The following LMNB1 variants were observed in gnomAD, a reference collection of about 807,000 sequenced individuals.
LMNB1 encodes the protein lamin B1, also known as lamin-B1.
LMNB1 carries 23 observed loss-of-function variants against 67.1 expected under a neutral mutation model. The observed-to-expected ratio is 0.34, with a 90% CI of 0.25 to 0.49. The LOEUF (loss-of-function observed/expected upper bound fraction) is 0.49. Ranked by LOEUF, LMNB1 falls within the 20% of genes least tolerant of loss-of-function variation. The pLI is 0.99. For missense variants in LMNB1, 634 were observed against 746.5 expected, an observed-to-expected ratio of 0.85 and a Z score of 1.76; for synonymous variants, 281 against 282.9, an observed-to-expected ratio of 0.99 and a Z score of 0.07.
chr5:126,798,480 C>A (rs757431902), intron 1 of LMNB1, among the ~76,000 whole-genome samples: 1 of 152,084 alleles, frequency 6.6e-6, no homozygotes, highest in African/African-American at 2.4e-5. Context: ...AAAACTCCAA[C>A]TCATTGATTT....
intron 3 of LMNB1, among the ~76,000 whole-genome samples, chr5:126,808,456 T>A (rs944685059): frequency 6.6e-6 from 1 of 151,952 alleles, no homozygotes; most frequent in Non-Finnish European, 1.5e-5. Flanking sequence ...CCCAAAGTGC[T>A]GGGATTACAG....
chr5:126,829,516 A>G (rs1261990227), intron 9 of LMNB1, among the ~76,000 whole-genome samples: 1 of 151,830 alleles, frequency 6.6e-6, no homozygotes, highest in African/African-American at 2.4e-5. Flanking sequence ...CTAATGAAAT[A>G]AGACCTGTAT....
chr5:126,777,946 C>A, intron 1 of LMNB1, 79 bp downstream of exon 1: 2 of 1,322,922 alleles, frequency 1.5e-6, no homozygotes, highest in African/African-American at 1.6e-5. Context: ...CCGGGTTCTG[C>A]CGTGGGGAGG....
intron 1 of LMNB1, among the ~76,000 whole-genome samples, chr5:126,779,681 T>A (rs1253467887): frequency 2.6e-5 from 4 of 151,302 alleles, no homozygotes; most frequent in Non-Finnish European, 5.9e-5. Flanking sequence ...GCGGATCACT[T>A]GAGGTCAGGA....
Position 126,810,339 on chromosome 5 carries a change from T to C in LMNB1, c.802T>C (p.Tyr268His). The change falls in exon 4 of 11, where the codon TAC becomes CAC. Residue 268 changes from tyrosine to histidine, a missense_variant. Physicochemically the swap from Tyr to His is moderately conservative, Grantham distance 83. Coordinates refer to ENST00000261366, the MANE Select transcript of LMNB1 (RefSeq NM_005573.4). ...GTATAAGGAGGAGCTGGAGCAGACT[T>C]ACCATGCCAAAGTGAGCTCTCTTCA... The part of the protein sequence containing the change: ...RLYKEELEQT[Y>H]HAKLENARLS... The C allele has an allele frequency of 6.2e-7, 1 of 1,605,272 alleles. No individual in the cohort carries two copies. The highest frequency in any genetic ancestry group is 8.5e-7 in the Non-Finnish European group (1 of 1,172,866).
In LMNB1 at chr5:126,777,875, C is replaced by T. The variant is rs1443096680; in HGVS notation, c.359+8C>T. The T allele has an allele frequency of 7.2e-6, 10 of 1,389,634 alleles. No homozygotes were observed. The highest frequency in any genetic ancestry group is 5.9e-5 in the East Asian group (2 of 33,764). The allele number at this position is 1,389,634 out of a possible 1,614,324, so 86.1% of individuals were successfully genotyped here. ...CGACCAGCTGCTCCTCAAGTGAGTG[C>T]TAGCTGGCGGCCGCGTTAGCGCCAA... is the stretch of plus-strand genomic sequence containing the variant. On this transcript the variant is annotated splice_region_variant and intron_variant, in intron 1 of 10. Coordinates refer to ENST00000261366, the MANE Select transcript of LMNB1 (RefSeq NM_005573.4).
chr5:126,826,991 T>C (rs1752012353), intron 9 of LMNB1, among the ~76,000 whole-genome samples: 1 of 152,228 alleles, frequency 6.6e-6, no homozygotes. Flanking sequence ...AAGGAAGCCA[T>C]TGGTCATAAC....
chr5:126,836,196 A>T, intron 10 of LMNB1, 27 bp from the exon 11 acceptor site: 1 of 1,568,238 alleles, frequency 6.4e-7, no homozygotes, highest in South Asian at 1.1e-5. Context: ...CTTTAGTATT[A>T]ATTTTTCCTT....
chr5:126,832,850 A>G (rs568751627), intron 10 of LMNB1, 49 bp downstream of exon 10: 2 of 1,258,890 alleles, frequency 1.6e-6, no homozygotes, highest in Non-Finnish European at 2.2e-6. Flanking sequence ...TATTCACAGA[A>G]TTACATGAAG....
intron 5 of LMNB1, among the ~76,000 whole-genome samples, chr5:126,813,731 A>G (rs1419595566): frequency 6.6e-6 from 1 of 152,152 alleles, no homozygotes. Context: ...CCTTGGCCCT[A>G]TATTATAAGG....
intron 1 of LMNB1, among the ~76,000 whole-genome samples, chr5:126,798,755 AAAG>A (rs1007236056): frequency 8.7e-6 from 1 of 115,192 alleles, no homozygotes. Flanking sequence ...TAGGATGAAA[AAAG>A]AGAAGTGTGT....
intron 1 of LMNB1, among the ~76,000 whole-genome samples, chr5:126,800,975 A>AAT (rs1561742516): frequency 1.8e-3 from 69 of 38,480 alleles, no homozygotes; most frequent in African/African-American, 4.2e-3. Context: ...ATATATATAT[A>AAT]TATATAATTT....
At chr5:126,806,223 G>C (rs910168371) in intron 3 of LMNB1, among the ~76,000 whole-genome samples, 3 of 152,202 alleles carry the variant, frequency 2.0e-5, no homozygotes, top group African/African-American at 7.2e-5. Context: ...AAAGTGCTGG[G>C]ATTACAGGTG....
chr5:126,808,133 A>G (rs1228135778), intron 3 of LMNB1, among the ~76,000 whole-genome samples: 1 of 151,482 alleles, frequency 6.6e-6, no homozygotes, highest in Non-Finnish European at 1.5e-5. Flanking sequence ...CGGCCTCCCA[A>G]AGTGCTGGGA....
At chr5:126,834,970 A>T (rs1752218306) in intron 10 of LMNB1, among the ~76,000 whole-genome samples, 1 of 152,224 alleles carries the variant, frequency 6.6e-6, no homozygotes, top group Non-Finnish European at 1.5e-5. Flanking sequence ...ATTGGAATTA[A>T]ACTGACATAG....
chr5:126,825,879 A>G (rs1489019041), intron 8 of LMNB1, 109 bp from the exon 9 acceptor site: 1 of 1,470,822 alleles, frequency 6.8e-7, no homozygotes, highest in Non-Finnish European at 9.4e-7. Context: ...TAGCTGGGGC[A>G]TAGTTCTCAG....
chr5:126,825,840 C>A, intron 8 of LMNB1, 148 bp from the exon 9 acceptor site: 1 of 1,019,188 alleles, frequency 9.8e-7, no homozygotes, highest in Non-Finnish European at 1.5e-6. Context: ...GTGAGTTCTC[C>A]TGGCCACATA....
intron 1 of LMNB1, among the ~76,000 whole-genome samples, chr5:126,795,933 C>CTTTTTTTTTTTTTTTTTTTTTTTTTTTT (rs70997314): frequency 1.2e-5 from 1 of 82,084 alleles, no homozygotes; most frequent in African/African-American, 4.5e-5. Context: ...GCCCAGGATG[C>CTTTTTTTTTTTTTTTTTTTTTTTTTTTT]TTTTTTTTTT....
intron 1 of LMNB1, among the ~76,000 whole-genome samples, chr5:126,785,085 T>G (rs2112923828): frequency 6.6e-6 from 1 of 151,494 alleles, no homozygotes; most frequent in Admixed American, 6.6e-5. Flanking sequence ...GTTCAAGTGA[T>G]TCTGCCGCCT....
Sources: gnomAD v4.1 joint callset for allele counts (sites outside exome capture counted in the v4.1 genomes callset) on GRCh38, gnomAD v4.1.1 for gene constraint, MANE v1.5 for transcripts, NCBI Gene and HGNC (gene_info 2026-07-23, HGNC 2026-07-21) for gene names.